Variants in DST observed in about 807,000 individuals in gnomAD.
DST encodes the protein bullous pemphigoid antigen.
A neutral mutation model predicts 875.2 loss-of-function variants in DST; 253 were observed. The ratio of observed to expected loss-of-function variants is 0.29; its 90% CI spans 0.26 to 0.32. The LOEUF is 0.32. DST is among the 10% of genes least tolerant of loss of function. DST has a pLI of 1.00. For missense variants in DST, 8,287 were observed against 9,111.6 expected, an observed-to-expected ratio of 0.91 and a Z score of 3.68; for synonymous variants, 3,124 against 3,197.1, an observed-to-expected ratio of 0.98 and a Z score of 0.77.
intron 81 of DST, 22 bp from the exon 82 acceptor site, chr6:56,497,529 A>G: frequency 6.2e-7 from 1 of 1,609,816 alleles, no homozygotes; most frequent in South Asian, 1.1e-5. Context: ...GGCAGTTTTA[A>G]GTTGGGGCCA....
chr6:56,947,250 CTT>C (rs34159658), intron 2 of DST, among the ~76,000 whole-genome samples: 58 of 135,464 alleles, frequency 4.3e-4, no homozygotes, highest in African/African-American at 1.3e-3. Context: ...GCTACTCTCT[CTT>C]TTTTTTTTTT....
At chr6:56,460,351 C>T (rs1214647573) in intron 102 of DST, 97 bp from the exon 103 acceptor site, 1 of 1,349,136 alleles carries the variant, frequency 7.4e-7, no homozygotes, top group South Asian at 1.5e-5. Context: ...AAACTCTCTA[C>T]TATTCCTCTT....
chr6:56,554,056 CTTTTTCGCGTCTATGACT>C (rs1299152628), intron 60 of DST, among the ~76,000 whole-genome samples: 12 of 127,158 alleles, frequency 9.4e-5, no homozygotes, highest in African/African-American at 3.2e-4. Context: ...TTAAATATGA[CTTTTTCGCGTCTATGACT>C]TTTTTTTTTT....
intron 3 of DST, chr6:56,851,976 A>G (rs1361854670): frequency 2.1e-6 from 3 of 1,459,488 alleles, no homozygotes; most frequent in Non-Finnish European, 2.7e-6. Flanking sequence ...CCCCACCAGG[A>G]CAGTAGAAAT....
Position 56,476,336 on chromosome 6 carries a change from A to T in DST, c.21677T>A (p.Val7226Glu), listed in dbSNP as rs747543158. 1 of 1,562,800 alleles carries T rather than the reference A, an allele frequency of 6.4e-7. No homozygotes were observed. The highest frequency in any genetic ancestry group is 2.3e-5 in the East Asian group (1 of 43,796). The change falls in exon 92 of 104, where the codon GTG becomes GAG. Residue 7226 changes from valine to glutamate, a missense_variant and splice_region_variant. Val to Glu is a moderately radical substitution (Grantham distance 121, BLOSUM62 -2). This residue lies in a region of DST where 1,292 missense variants were observed against 1,552.7 expected (regional missense o/e 0.83). Coordinates refer to ENST00000680361, the MANE Select transcript of DST (RefSeq NM_001374736.1). ...ITIIRARFEEVLAWAKQHQQR... is the reference protein window; with the variant it reads ...ITIIRARFEEELAWAKQHQQR... ...CTGATGTTGCTTTGCCCAGGCCAGC[A>T]CCTGTCAGAGAAACAGAAATTTCTC...
At chr6:56,893,330 A>C (rs545032337) in intron 3 of DST, among the ~76,000 whole-genome samples, 67 of 152,274 alleles carry the variant, frequency 4.4e-4, no homozygotes, top group African/African-American at 1.6e-3. Context: ...AAATTCTGTT[A>C]ATTCATTCCT....
chr6:56,506,317 G>A (rs1481967706), intron 77 of DST, 126 bp downstream of exon 77: 5 of 663,080 alleles, frequency 7.5e-6, no homozygotes, highest in East Asian at 2.8e-5. Context: ...ACAGGCAACT[G>A]CAGGAATAAT....
At chr6:56,524,001 C>A (rs41439750) in intron 69 of DST, among the ~76,000 whole-genome samples, 3 of 152,166 alleles carry the variant, frequency 2.0e-5, no homozygotes, top group South Asian at 2.1e-4. Context: ...GTCCAAAATA[C>A]GTGGCTAATG....
chr6:56,483,734 T>A (rs985511151), intron 88 of DST: 3 of 151,964 alleles, frequency 2.0e-5, no homozygotes, highest in Non-Finnish European at 4.4e-5. Flanking sequence ...AATGTGTTTT[T>A]AAAAAAATCA....
At position 56,738,164 on chromosome 6, in the gene DST, T is replaced by C. The variant is rs144714711; in HGVS notation, c.626-2875A>G. On this transcript the variant is annotated intron_variant, in intron 4 of 103. Coordinates refer to ENST00000680361, the MANE Select transcript of DST (RefSeq NM_001374736.1). ...ACTGTCAGGGAGAAAAAAAAGGTAC[T>C]TATATACAGCCCATCTTTTGATTCT... Among the ~76,000 whole-genome samples, 332 of 152,350 alleles carry C rather than the reference T, an allele frequency of 2.2e-3. 3 individuals carry two copies. The highest frequency in any genetic ancestry group is 1.2e-3 in the South Asian group (6 of 4,828).
chr6:56,653,903 A>C (rs551537303), intron 10 of DST, among the ~76,000 whole-genome samples: 45 of 152,234 alleles, frequency 3.0e-4, no homozygotes, highest in African/African-American at 1.1e-3. Flanking sequence ...CAACCTTTAA[A>C]AACTTCATTT....
At chr6:56,810,618 A>C (rs2099758706) in intron 4 of DST, among the ~76,000 whole-genome samples, 1 of 152,002 alleles carries the variant, frequency 6.6e-6, no homozygotes, top group Non-Finnish European at 1.5e-5. Context: ...GGGACATCAG[A>C]TGTAACATAA....
chr6:56,918,133 C>CT (rs55782325), intron 2 of DST, among the ~76,000 whole-genome samples: 4,407 of 140,322 alleles, frequency 0.031, 195 homozygotes, highest in African/African-American at 0.1. Context: ...TTTTTTTTTT[C>CT]TTTTTTTTTT....
At chr6:56,620,402 T>A in intron 36 of DST, 1 of 1,614,204 alleles carries the variant, frequency 6.2e-7, no homozygotes, top group Non-Finnish European at 8.5e-7. Flanking sequence ...CAGTTCTCTT[T>A]CAGCGGCTTC....
chr6:56,469,946 CT>C lies in DST; in HGVS notation c.22487del (p.Gln7496ArgfsTer2). On this transcript the variant is annotated frameshift_variant, in exon 97 of 104. Coordinates refer to ENST00000680361, the MANE Select transcript of DST (RefSeq NM_001374736.1). LOFTEE classifies it high-confidence loss of function. ...GCTTTGCACATTTACACTTAGCTAC[CT>C]GCCTTGTCACCTGCCAAAAACAATG... ...ADKIEDEVTR[Q>X]VAKCKCAKRF... The C allele has an allele frequency of 6.2e-7, 1 of 1,613,416 alleles. No homozygotes were observed. The highest frequency in any genetic ancestry group is 8.5e-7 in the Non-Finnish European group (1 of 1,179,456).
At chr6:56,776,336 G>A (rs1166679864) in intron 4 of DST, among the ~76,000 whole-genome samples, 1 of 152,162 alleles carries the variant, frequency 6.6e-6, no homozygotes, top group African/African-American at 2.4e-5. Context: ...ATGTAATGTG[G>A]TATCCCGGAT....
intron 65 of DST, 84 bp downstream of exon 65, chr6:56,529,890 A>G (rs2096865476): frequency 5.3e-6 from 8 of 1,522,170 alleles, no homozygotes; most frequent in Non-Finnish European, 6.2e-6. Flanking sequence ...GCAATTAAAC[A>G]AAACAATAGT....
chr6:56,895,024 C>A (rs1310171201), intron 3 of DST, among the ~76,000 whole-genome samples: 1 of 108,336 alleles, frequency 9.2e-6, no homozygotes, highest in East Asian at 2.6e-4. Flanking sequence ...GCTGGCCGGG[C>A]GGGGGGTTGA....
chr6:56,703,501 G>T (rs2099319491), intron 7 of DST, 147 bp downstream of exon 7: 2 of 156,774 alleles, frequency 1.3e-5, no homozygotes, highest in South Asian at 4.1e-4. Flanking sequence ...CAATTTTTTG[G>T]TACACACACA....
Sources: gnomAD v4.1 joint callset for allele counts (sites outside exome capture counted in the v4.1 genomes callset) on GRCh38, gnomAD v4.1.1 for gene constraint, gnomAD v4.1.1 regional missense constraint, MANE v1.5 for transcripts, NCBI Gene and HGNC (gene_info 2026-07-23, HGNC 2026-07-21) for gene names.